Variants in CPHXL2 observed in about 807,000 individuals in gnomAD.
CPHXL2 encodes the protein cytoplasmic polyadenylated homeobox like 2, also known as cytoplasmic polyadenylated homeobox-like protein 2.
At chr16:75,667,835 C>T in the CPHXL2 span, among the ~76,000 whole-genome samples, 1 of 152,242 alleles carries the variant, frequency 6.6e-6, no homozygotes, top group Non-Finnish European at 1.5e-5. Flanking sequence ...CTCTGACACA[C>T]CTGCCCCTAC....
chr16:75,672,436 CT>C, the CPHXL2 span, among the ~76,000 whole-genome samples: 1 of 152,194 alleles, frequency 6.6e-6, no homozygotes, highest in East Asian at 1.9e-4. Flanking sequence ...AAGAAAGAAT[CT>C]TGTGTATGCC....
chr16:75,671,296 G>T, the CPHXL2 span, among the ~76,000 whole-genome samples: 1 of 150,936 alleles, frequency 6.6e-6, no homozygotes, highest in African/African-American at 2.4e-5. Context: ...GGGAAGGCAG[G>T]GGCTGCAGTG....
At chr16:75,670,568 A>T in the CPHXL2 span, among the ~76,000 whole-genome samples, 1 of 152,062 alleles carries the variant, frequency 6.6e-6, no homozygotes, top group African/African-American at 2.4e-5. Flanking sequence ...GAGACCAGTG[A>T]TGCTATCTCT....
chr16:75,666,318 C>T, the CPHXL2 span, among the ~76,000 whole-genome samples: 1 of 152,056 alleles, frequency 6.6e-6, no homozygotes, highest in East Asian at 1.9e-4. Flanking sequence ...GGATAGACAG[C>T]AATACAATAA....
the CPHXL2 span, among the ~76,000 whole-genome samples, chr16:75,670,154 T>C: frequency 1.4e-4 from 22 of 152,284 alleles, 1 homozygote; most frequent in South Asian, 4.6e-3. Context: ...GACCTTGTGA[T>C]TTGCCTGCCT....
At chr16:75,672,608 C>T in the CPHXL2 span, among the ~76,000 whole-genome samples, 1 of 152,184 alleles carries the variant, frequency 6.6e-6, no homozygotes, top group South Asian at 2.1e-4. Flanking sequence ...CTTATCAACT[C>T]AGCCTCCCAA....
the CPHXL2 span, among the ~76,000 whole-genome samples, chr16:75,663,838 A>T: frequency 6.9e-6 from 1 of 145,828 alleles, no homozygotes; most frequent in East Asian, 2.1e-4. Flanking sequence ...GTGAGCTGAG[A>T]TCGTGCCACT....
the CPHXL2 span, chr16:75,660,633 G>A: frequency 2.5e-6 from 1 of 398,524 alleles, no homozygotes; most frequent in South Asian, 1.3e-4. Context: ...TTGCAGCAGT[G>A]AGAGACAGAA....
At chr16:75,676,621 C>T in the CPHXL2 span, among the ~76,000 whole-genome samples, 1 of 152,204 alleles carries the variant, frequency 6.6e-6, no homozygotes, top group African/African-American at 2.4e-5. Flanking sequence ...TGCTTCCAGC[C>T]TCAATTGCTC....
chr16:75,670,356 GGA>G, the CPHXL2 span, among the ~76,000 whole-genome samples: 4 of 152,168 alleles, frequency 2.6e-5, no homozygotes, highest in Non-Finnish European at 5.9e-5. Context: ...AGCCTGAAAG[GGA>G]GAGAACAGAG....
chr16:75,667,109 C>T, the CPHXL2 span, among the ~76,000 whole-genome samples: 1,916 of 151,722 alleles, frequency 0.013, 49 homozygotes, highest in African/African-American at 0.043. Flanking sequence ...GTCAGGAGTT[C>T]GAGACCAGCC....
chr16:75,672,666 G>A, the CPHXL2 span, among the ~76,000 whole-genome samples: 1 of 152,094 alleles, frequency 6.6e-6, no homozygotes, highest in Non-Finnish European at 1.5e-5. Context: ...TGAATTTTTA[G>A]TAGAGACAGG....
At chr16:75,667,003 G>C in the CPHXL2 span, among the ~76,000 whole-genome samples, 2 of 151,624 alleles carry the variant, frequency 1.3e-5, no homozygotes, top group Non-Finnish European at 3.0e-5. Flanking sequence ...GTGAAATCAA[G>C]ATGGAAGTTA....
chr16:75,671,947 G>A, the CPHXL2 span, among the ~76,000 whole-genome samples: 2 of 151,942 alleles, frequency 1.3e-5, no homozygotes, highest in African/African-American at 4.8e-5. Flanking sequence ...AGAATGGGGC[G>A]AGCCATGCTG....
At chr16:75,667,854 C>CTAT in the CPHXL2 span, among the ~76,000 whole-genome samples, 5 of 152,226 alleles carry the variant, frequency 3.3e-5, no homozygotes, top group Admixed American at 6.5e-5. Context: ...ACCTAGGTCC[C>CTAT]CTCCTTAGTA....
At chr16:75,674,930 C>T in the CPHXL2 span, among the ~76,000 whole-genome samples, 1 of 151,760 alleles carries the variant, frequency 6.6e-6, no homozygotes, top group Admixed American at 6.6e-5. Context: ...GTGGCTCACG[C>T]CTGTAATCTC....
the CPHXL2 span, among the ~76,000 whole-genome samples, chr16:75,661,595 ACAG>A: frequency 6.6e-6 from 1 of 151,896 alleles, no homozygotes; most frequent in Middle Eastern, 3.4e-3. Context: ...ACTCTGTGCT[ACAG>A]AAGAGGCTCC....
the CPHXL2 span, chr16:75,660,739 T>C: frequency 4.0e-5 from 16 of 398,536 alleles, no homozygotes; most frequent in Non-Finnish European, 5.7e-5. Flanking sequence ...GTTTCAGTCC[T>C]TTCTCCATGA....
chr16:75,675,222 A>T, the CPHXL2 span, among the ~76,000 whole-genome samples: 5 of 149,142 alleles, frequency 3.4e-5, no homozygotes, highest in Admixed American at 3.3e-4. Context: ...GGGTTTCACC[A>T]TATTGGTCAG....
Sources: gnomAD v4.1 joint callset for allele counts (sites outside exome capture counted in the v4.1 genomes callset) on GRCh38, gnomAD v4.1.1 for gene constraint, MANE v1.5 for transcripts, NCBI Gene and HGNC (gene_info 2026-07-23, HGNC 2026-07-21) for gene names.